EFCAB11: variants seen among roughly 807,000 people sequenced by gnomAD.
EFCAB11 encodes the protein EF-hand calcium binding domain 11.
A neutral mutation model predicts 23.0 loss-of-function variants in EFCAB11; 14 were observed. That is an observed-to-expected ratio of 0.61 (90% CI 0.40 to 0.95). The LOEUF is 0.95. Among genes scored for constraint, EFCAB11 ranks in the 40% least tolerant of loss-of-function variants. The probability of loss-of-function intolerance (pLI) is 0.00; values close to 1 mark genes in which losing one functional copy is unlikely to be tolerated. For missense variants in EFCAB11, 198 were observed against 195.8 expected (o/e 1.01, Z -0.07); for synonymous variants, 65 against 66.6 (o/e 0.98, Z 0.11).
chr14:89,814,514 G>C (rs866943366), intron 5 of EFCAB11, among the ~76,000 whole-genome samples: 4 of 152,150 alleles, frequency 2.6e-5, no homozygotes, highest in African/African-American at 9.7e-5. Context: ...AGAGCAGCCT[G>C]ACCAACATGG....
At chr14:89,866,173 T>A (rs1241989740) in intron 5 of EFCAB11, among the ~76,000 whole-genome samples, 1 of 152,204 alleles carries the variant, frequency 6.6e-6, no homozygotes, top group Non-Finnish European at 1.5e-5. Context: ...AGTTCAATGA[T>A]AGGATTTTAG....
chr14:89,891,714 C>CTAAGTAAAATATTA (rs1888971534), intron 5 of EFCAB11, among the ~76,000 whole-genome samples: 1 of 152,116 alleles, frequency 6.6e-6, no homozygotes, highest in African/African-American at 2.4e-5. Flanking sequence ...CACGCGCACA[C>CTAAGTAAAATATTA]GCACACACCA....
chr14:89,877,820 T>G (rs1401246581), intron 5 of EFCAB11, among the ~76,000 whole-genome samples: 1 of 152,186 alleles, frequency 6.6e-6, no homozygotes, highest in Non-Finnish European at 1.5e-5. Context: ...CTTCATATAT[T>G]AAGACATTGG....
At chr14:89,894,043 G>A (rs1056635106) in intron 5 of EFCAB11, among the ~76,000 whole-genome samples, 10 of 151,630 alleles carry the variant, frequency 6.6e-5, no homozygotes, top group African/African-American at 9.7e-5. Flanking sequence ...GCAGTGGCGC[G>A]ATCTCGGCTC....
At chr14:89,854,996 C>T (rs529616291) in intron 5 of EFCAB11, among the ~76,000 whole-genome samples, 136 of 152,142 alleles carry the variant, frequency 8.9e-4, no homozygotes, top group Non-Finnish European at 1.7e-3. Flanking sequence ...TATCTAAATA[C>T]GATGTTCAAT....
chr14:89,932,684 A>C, intron 3 of EFCAB11, 57 bp from the exon 4 acceptor site: 1 of 1,368,222 alleles, frequency 7.3e-7, no homozygotes, highest in Non-Finnish European at 1.0e-6. Context: ...CTTTAAGAAA[A>C]AATTAAACAG....
intron 5 of EFCAB11, among the ~76,000 whole-genome samples, chr14:89,919,488 C>T (rs1001372689): frequency 1.3e-5 from 2 of 152,062 alleles, no homozygotes; most frequent in African/African-American, 4.8e-5. Context: ...AGAGGTGTGG[C>T]ATGTGGAGGA....
At chr14:89,939,349 T>C (rs888365547) in intron 3 of EFCAB11, among the ~76,000 whole-genome samples, 5 of 152,004 alleles carry the variant, frequency 3.3e-5, no homozygotes, top group African/African-American at 1.2e-4. Context: ...GCATGATAGC[T>C]GATATATTTA....
At chr14:89,952,936 TG>T (rs1891223939) in intron 2 of EFCAB11, among the ~76,000 whole-genome samples, 1 of 152,000 alleles carries the variant, frequency 6.6e-6, no homozygotes, top group Non-Finnish European at 1.5e-5. Flanking sequence ...ACAAGAAGGG[TG>T]TTGTCTCTCG....
At chr14:89,798,024 A>C (rs1289496373) in intron 5 of EFCAB11, among the ~76,000 whole-genome samples, 1 of 152,232 alleles carries the variant, frequency 6.6e-6, no homozygotes, top group Admixed American at 6.5e-5. Flanking sequence ...ATGCCTTACA[A>C]GTAGCTTCTG....
intron 5 of EFCAB11, among the ~76,000 whole-genome samples, chr14:89,857,915 A>C (rs750129393): frequency 2.6e-5 from 4 of 152,238 alleles, no homozygotes; most frequent in Non-Finnish European, 4.4e-5. Context: ...ATAAAGTAGA[A>C]ACCAGAAATT....
At chr14:89,800,262 AC>A (rs1307935263) in intron 5 of EFCAB11, among the ~76,000 whole-genome samples, 2 of 152,122 alleles carry the variant, frequency 1.3e-5, no homozygotes, top group Non-Finnish European at 2.9e-5. Flanking sequence ...TCATTCAGGG[AC>A]CCGTAAGTAA....
In EFCAB11 at chr14:89,935,937, G is replaced by A. The variant is rs1470660293; in HGVS notation, c.218-3310C>T. Among the ~76,000 whole-genome samples the A allele has an allele frequency of 2.6e-5, 4 of 152,288 alleles. No homozygotes were observed. The South Asian group carries it at 8.3e-4, about 32-fold the overall frequency. On this transcript the variant is annotated intron_variant, in intron 3 of 5. Transcript: ENST00000316738. The stretch of plus-strand genomic sequence containing the variant: ...GCACAAGAATCACCTGAACCCAGGA[G>A]GTGGAGGTTGCGGTGAGCCGAGATC...
intron 5 of EFCAB11, among the ~76,000 whole-genome samples, chr14:89,799,663 C>T (rs1283537491): frequency 6.6e-6 from 1 of 151,580 alleles, no homozygotes; most frequent in Non-Finnish European, 1.5e-5. Context: ...GCACCTCCCA[C>T]CCCCCAACCC....
At chr14:89,879,331 T>C (rs1888534953) in intron 5 of EFCAB11, among the ~76,000 whole-genome samples, 2 of 152,288 alleles carry the variant, frequency 1.3e-5, no homozygotes, top group Non-Finnish European at 2.9e-5. Context: ...CCTTTCAGCA[T>C]CATAGCCTGT....
chr14:89,937,205 T>C (rs563817352), intron 3 of EFCAB11, among the ~76,000 whole-genome samples: 96 of 152,220 alleles, frequency 6.3e-4, no homozygotes, highest in Non-Finnish European at 1.0e-3. Flanking sequence ...CTATCAATAG[T>C]TGGCAAACTA....
chr14:89,844,739 C>T (rs11159937), intron 5 of EFCAB11, among the ~76,000 whole-genome samples: 96,664 of 152,174 alleles, frequency 0.64, 33,177 homozygotes, highest in Non-Finnish European at 0.79. Context: ...GTGTTAACAC[C>T]TAGGCCTTAA....
intron 5 of EFCAB11, among the ~76,000 whole-genome samples, chr14:89,844,982 G>T (rs903799860): frequency 6.6e-6 from 1 of 152,050 alleles, no homozygotes; most frequent in Non-Finnish European, 1.5e-5. Flanking sequence ...GGGGTTATAA[G>T]GATTAGGTAT....
At chr14:89,809,183 A>T (rs1886070270) in intron 5 of EFCAB11, among the ~76,000 whole-genome samples, 1 of 152,122 alleles carries the variant, frequency 6.6e-6, no homozygotes, top group Non-Finnish European at 1.5e-5. Flanking sequence ...TTGTGCTGAA[A>T]CTGGTGTGCC....
Sources: allele counts gnomAD v4.1 joint callset (sites outside exome capture counted in the v4.1 genomes callset), GRCh38; gene constraint gnomAD v4.1.1; transcripts MANE v1.5; gene names NCBI Gene and HGNC (gene_info 2026-07-23, HGNC 2026-07-21).